MAP3K5: variants seen among roughly 807,000 people sequenced by gnomAD.
The protein encoded by MAP3K5 is mitogen-activated protein kinase kinase kinase 5.
Under a neutral mutation model 158.7 loss-of-function variants are expected in MAP3K5, and 56 were observed. The observed-to-expected ratio is 0.35, with a 90% CI of 0.28 to 0.44. The LOEUF is 0.44. Among genes scored for constraint, MAP3K5 ranks in the 20% least tolerant of loss-of-function variants. MAP3K5 has a pLI of 1.00. For missense variants in MAP3K5, 1,294 were observed against 1,674.8 expected, an observed-to-expected ratio of 0.77 and a Z score of 3.97; for synonymous variants, 579 against 601.7, an observed-to-expected ratio of 0.96 and a Z score of 0.55.
chr6:136,753,343 G>C (rs1364935091), intron 1 of MAP3K5, among the ~76,000 whole-genome samples: 1 of 152,064 alleles, frequency 6.6e-6, no homozygotes, highest in East Asian at 1.9e-4. Flanking sequence ...TACGAACCTA[G>C]CATTAGGCAG....
intron 1 of MAP3K5, among the ~76,000 whole-genome samples, chr6:136,744,752 T>C (rs766467220): frequency 9.2e-5 from 14 of 152,310 alleles, no homozygotes; most frequent in African/African-American, 3.1e-4. Flanking sequence ...TGGCTGCACA[T>C]TGTAATCACC....
At chr6:136,586,745 G>C (rs1409657435) in intron 23 of MAP3K5, among the ~76,000 whole-genome samples, 1 of 152,126 alleles carries the variant, frequency 6.6e-6, no homozygotes, top group East Asian at 1.9e-4. Context: ...CTGTGGGCTG[G>C]GAAAGGCAGA....
intron 13 of MAP3K5, among the ~76,000 whole-genome samples, chr6:136,637,632 A>AT (rs1307025586): frequency 6.8e-6 from 1 of 147,464 alleles, no homozygotes; most frequent in African/African-American, 2.6e-5. Context: ...CTTCAAATAC[A>AT]TTTTTCTTCA....
intron 1 of MAP3K5, among the ~76,000 whole-genome samples, chr6:136,720,792 T>A (rs1294017358): frequency 6.6e-6 from 1 of 152,192 alleles, no homozygotes; most frequent in Admixed American, 6.5e-5. Context: ...CTTTTTCTGT[T>A]TTTAAGAGAC....
At chr6:136,557,884 A>G in intron 29 of MAP3K5, 66 bp from the exon 30 acceptor site, 1 of 1,046,568 alleles carries the variant, frequency 9.6e-7, no homozygotes, top group Non-Finnish European at 1.5e-6. Context: ...TTGAAATAGA[A>G]AAGTGACTTC....
intron 18 of MAP3K5, among the ~76,000 whole-genome samples, 175 bp downstream of exon 18, chr6:136,611,107 C>CAAAAAAAAAAAAAAAAA (rs59508317): frequency 2.9e-4 from 7 of 24,454 alleles, no homozygotes; most frequent in Admixed American, 6.4e-4. Flanking sequence ...GACCCTGTCT[C>CAAAAAAAAAAAAAAAAA]AAAAAAAAAA....
intron 7 of MAP3K5, among the ~76,000 whole-genome samples, chr6:136,685,168 A>T (rs1013614681): frequency 2.0e-5 from 3 of 151,842 alleles, no homozygotes; most frequent in Admixed American, 6.6e-5. Flanking sequence ...AAATACAAAA[A>T]GTAGCTGGGC....
At chr6:136,791,661 T>C (rs368757106) in intron 1 of MAP3K5, 49 bp downstream of exon 1, 1 of 1,589,492 alleles carries the variant, frequency 6.3e-7, no homozygotes, top group South Asian at 1.1e-5. Context: ...ACCGCCAGAT[T>C]AAACGCGGGT....
At chr6:136,714,080 C>A (rs893657547) in intron 2 of MAP3K5, among the ~76,000 whole-genome samples, 7 of 152,154 alleles carry the variant, frequency 4.6e-5, no homozygotes, top group Non-Finnish European at 1.0e-4. Flanking sequence ...ATGCACAACT[C>A]AAGCTAAAAC....
intron 7 of MAP3K5, among the ~76,000 whole-genome samples, chr6:136,685,725 T>A (rs1780118825): frequency 6.6e-6 from 1 of 151,960 alleles, no homozygotes; most frequent in Admixed American, 6.6e-5. Flanking sequence ...AACACCTCAC[T>A]CCTTATGCCA....
At chr6:136,584,407 C>T (rs1456123876) in intron 23 of MAP3K5, 1 of 154,020 alleles carries the variant, frequency 6.5e-6, no homozygotes, top group Non-Finnish European at 1.4e-5. Flanking sequence ...CTTACAGTTC[C>T]ACGTGGCTGG....
At chr6:136,779,169 C>A (rs1582690013) in intron 1 of MAP3K5, among the ~76,000 whole-genome samples, 1 of 152,152 alleles carries the variant, frequency 6.6e-6, no homozygotes, top group East Asian at 1.9e-4. Flanking sequence ...GGCATGGTAA[C>A]CTGGGAGGCA....
At chr6:136,719,645 C>T (rs891966467) in intron 2 of MAP3K5, among the ~76,000 whole-genome samples, 9 of 152,160 alleles carry the variant, frequency 5.9e-5, no homozygotes, top group African/African-American at 2.2e-4. Context: ...ATAACAATTG[C>T]TAAGTCATTA....
chr6:136,756,296 T>C (rs1416850955), intron 1 of MAP3K5, among the ~76,000 whole-genome samples: 1 of 152,144 alleles, frequency 6.6e-6, no homozygotes, highest in East Asian at 1.9e-4. Flanking sequence ...CCAAACTGCA[T>C]GACAGAGCCA....
intron 21 of MAP3K5, among the ~76,000 whole-genome samples, chr6:136,595,597 C>G (rs1053052138): frequency 6.6e-6 from 1 of 152,060 alleles, no homozygotes; most frequent in African/African-American, 2.4e-5. Context: ...AGAATTCTGG[C>G]CTAAGAAACT....
rs1390139601 is a variant in MAP3K5 at position 136,786,794 on chromosome 6, GTTC to G, written c.448+4913_448+4915del. Among the ~76,000 whole-genome samples, 9 of 141,058 alleles carry G rather than the reference GTTC, an allele frequency of 6.4e-5. 1 individual carries two copies. Among genetic ancestry groups the G allele is most frequent in the African/African-American group, 1.6e-4 (6 of 37,714 alleles). 92.5% of individuals were successfully genotyped at this position (141,058 alleles called of 152,430 possible). On this transcript the variant is annotated intron_variant, in intron 1 of 29. Transcript: ENST00000359015. ...TATTAAAAATGTTACCAAACTTTAA[GTTC>G]TTCTTTTTTTTTTTTTTTTTTTTTT...
chr6:136,601,778 ATCC>A, intron 20 of MAP3K5, 21 bp downstream of exon 20: 4 of 1,611,416 alleles, frequency 2.5e-6, no homozygotes, highest in Non-Finnish European at 3.4e-6. Flanking sequence ...CTCAGACTAT[ATCC>A]TCTTCAATGC....
intron 1 of MAP3K5, among the ~76,000 whole-genome samples, chr6:136,754,744 C>T (rs1405367833): frequency 6.6e-6 from 1 of 152,196 alleles, no homozygotes; most frequent in Non-Finnish European, 1.5e-5. Context: ...AGGACACCCA[C>T]ATGCTGGACT....
At chr6:136,599,764 G>A (rs1775794791) in intron 21 of MAP3K5, among the ~76,000 whole-genome samples, 1 of 152,176 alleles carries the variant, frequency 6.6e-6, no homozygotes, top group African/African-American at 2.4e-5. Flanking sequence ...TTTAGAAAGT[G>A]GGTCAATGGG....
Sources: allele counts gnomAD v4.1 joint callset (sites outside exome capture counted in the v4.1 genomes callset), GRCh38; gene constraint gnomAD v4.1.1; transcripts MANE v1.5; gene names NCBI Gene and HGNC (gene_info 2026-07-23, HGNC 2026-07-21).